The following TSC22D1 variants were observed in gnomAD, a reference collection of about 807,000 sequenced individuals.
TSC22D1 encodes the protein TSC22 domain family member 1.
A neutral mutation model predicts 74.2 loss-of-function variants in TSC22D1; 9 were observed. The ratio of observed to expected loss-of-function variants is 0.12; its 90% CI spans 0.07 to 0.21. TSC22D1 has a LOEUF of 0.21. Among genes scored for constraint, TSC22D1 ranks in the 10% least tolerant of loss-of-function variants. The pLI is 1.00. For synonymous variants in TSC22D1, 586 were observed against 492.5 expected (o/e 1.19, Z -2.51); for missense variants, 1,427 against 1,304.7 (o/e 1.09, Z -1.44).
intron 1 of TSC22D1, among the ~76,000 whole-genome samples, chr13:44,571,715 T>G (rs1883776925): frequency 1.3e-5 from 2 of 152,172 alleles, no homozygotes; most frequent in Admixed American, 1.3e-4. Context: ...ACAATAATAA[T>G]GGAACAATTA....
intron 1 of TSC22D1, among the ~76,000 whole-genome samples, chr13:44,551,921 A>T (rs1882306526): frequency 6.6e-6 from 1 of 152,170 alleles, no homozygotes; most frequent in African/African-American, 2.4e-5. Flanking sequence ...AAGTAAAAAA[A>T]CAAAAAAAAG....
At chr13:44,539,653 G>T in intron 1 of TSC22D1, 1 of 1,150,662 alleles carries the variant, frequency 8.7e-7, no homozygotes, top group Non-Finnish European at 1.1e-6. Flanking sequence ...AAAACAGATT[G>T]CAGTCCCACC....
chr13:44,548,624 A>C (rs1881986589), intron 1 of TSC22D1, among the ~76,000 whole-genome samples: 1 of 152,232 alleles, frequency 6.6e-6, no homozygotes, highest in Non-Finnish European at 1.5e-5. Context: ...GGAGTTTTAC[A>C]AGACAGTAAA....
intron 1 of TSC22D1, among the ~76,000 whole-genome samples, chr13:44,555,016 C>T (rs182341711): frequency 2.0e-5 from 3 of 151,906 alleles, no homozygotes; most frequent in Admixed American, 1.3e-4. Flanking sequence ...TTGTTAGAAG[C>T]TTTTGTTTCT....
chr13:44,466,153 T>C (rs1456462256), intron 1 of TSC22D1, among the ~76,000 whole-genome samples: 1 of 152,076 alleles, frequency 6.6e-6, no homozygotes, highest in Admixed American at 6.6e-5. Context: ...CATCTAGACT[T>C]CTCAAGAAGG....
intron 1 of TSC22D1, among the ~76,000 whole-genome samples, chr13:44,541,108 AGG>A (rs2138097467): frequency 6.6e-6 from 1 of 152,328 alleles, no homozygotes; most frequent in East Asian, 1.9e-4. Context: ...TAGTGGAACG[AGG>A]ATTGTGTTCT....
At chr13:44,490,237 T>C (rs373482155) in intron 1 of TSC22D1, among the ~76,000 whole-genome samples, 2 of 152,118 alleles carry the variant, frequency 1.3e-5, no homozygotes, top group Admixed American at 6.6e-5. Context: ...ATATATAGTA[T>C]ATAATTTCAT....
intron 1 of TSC22D1, among the ~76,000 whole-genome samples, chr13:44,552,942 CG>C (rs1319569122): frequency 5.3e-5 from 8 of 152,212 alleles, no homozygotes; most frequent in Admixed American, 4.6e-4. Context: ...GAGCCGCGAT[CG>C]TGCCACTGCA....
intron 1 of TSC22D1, among the ~76,000 whole-genome samples, chr13:44,545,091 T>C (rs1252580319): frequency 6.6e-6 from 1 of 152,120 alleles, no homozygotes; most frequent in Admixed American, 6.5e-5. Context: ...ATCTCAGCAC[T>C]TGGGAGGCCA....
intron 1 of TSC22D1, among the ~76,000 whole-genome samples, chr13:44,568,623 C>A (rs1883538684): frequency 6.6e-6 from 1 of 152,184 alleles, no homozygotes; most frequent in South Asian, 2.1e-4. Flanking sequence ...AGGCGTGAGC[C>A]ACCATGGCCA....
At position 44,565,547 on chromosome 13, in the gene TSC22D1, T is replaced by C. The variant is rs190540916; in HGVS notation, c.2912+7616A>G. ...TTTTTAAAAATCAGTATAAAGATAC[T>C]TTAAAATTTTTCAACCTTGTGTAGT... On this transcript the variant is annotated intron_variant, in intron 1 of 2. Transcript: ENST00000458659. 2.6e-3 allele frequency among the ~76,000 whole-genome samples: 400 copies of C among 152,256 alleles called. 6 individuals carry two copies. Among genetic ancestry groups the C allele is most frequent in the Admixed American group, 0.025 (378 of 15,292 alleles).
chr13:44,448,610 G>T (rs542017621), intron 1 of TSC22D1, among the ~76,000 whole-genome samples: 1 of 152,246 alleles, frequency 6.6e-6, no homozygotes, highest in Non-Finnish European at 1.5e-5. Flanking sequence ...CCTCTGCTTC[G>T]ATCAAGGGAC....
intron 1 of TSC22D1, among the ~76,000 whole-genome samples, chr13:44,511,606 G>A (rs1879717573): frequency 7.5e-6 from 1 of 133,330 alleles, no homozygotes; most frequent in African/African-American, 2.7e-5. Context: ...ACAGCTTTCT[G>A]AATAAAAAGA....
chr13:44,519,436 A>T (rs910964198), intron 1 of TSC22D1, among the ~76,000 whole-genome samples: 1 of 152,218 alleles, frequency 6.6e-6, no homozygotes, highest in Non-Finnish European at 1.5e-5. Flanking sequence ...ATGTAAAACC[A>T]GGAGTATACA....
In TSC22D1 at chr13:44,574,592, C is replaced by G. The variant is rs1884063059; in HGVS notation, c.1483G>C (p.Val495Leu). ...GSGEMGAPTV[V>L]VQQQQQQQQQ... ...TGTTGCTGCTGCTGCTGCTGCACCA[C>G]CACAGTAGGGGCTCCCATCTCTCCA... The change falls in exon 1 of 3, where the codon GTG becomes CTG. Residue 495 changes from valine (V) to leucine (L), a missense_variant. Val to Leu is a conservative substitution (Grantham distance 32, BLOSUM62 1). Around this residue, in one of 3 missense-constraint regions of TSC22D1, gnomAD observed 1,343 missense variants for 1,191.5 expected, o/e 1.13. Transcript: ENST00000458659. 1.2e-6 allele frequency: 2 copies of G among 1,614,038 alleles called. No individual in the cohort carries two copies. Among genetic ancestry groups the G allele is most frequent in the African/African-American group, 1.3e-5 (1 of 75,010 alleles).
intron 1 of TSC22D1, among the ~76,000 whole-genome samples, chr13:44,487,660 G>A (rs1345929738): frequency 1.3e-5 from 2 of 151,424 alleles, no homozygotes; most frequent in Non-Finnish European, 2.9e-5. Flanking sequence ...CAATACAAGA[G>A]TAGCTTACCA....
At chr13:44,529,499 T>C (rs1224301490) in intron 1 of TSC22D1, among the ~76,000 whole-genome samples, 2 of 152,016 alleles carry the variant, frequency 1.3e-5, no homozygotes, top group African/African-American at 2.4e-5. Flanking sequence ...TTCTTGTTGG[T>C]GAAGAAGGAT....
intron 1 of TSC22D1, among the ~76,000 whole-genome samples, chr13:44,531,482 G>A (rs1473649947): frequency 2.6e-5 from 4 of 152,062 alleles, no homozygotes; most frequent in Non-Finnish European, 4.4e-5. Flanking sequence ...TGTGTAAAAT[G>A]AAAAAATTAT....
At chr13:44,530,423 T>C (rs1348644002) in intron 1 of TSC22D1, among the ~76,000 whole-genome samples, 1 of 151,792 alleles carries the variant, frequency 6.6e-6, no homozygotes, top group East Asian at 1.9e-4. Context: ...TAGATCTAAA[T>C]GTAAATCACA....
Sources: allele counts gnomAD v4.1 joint callset (sites outside exome capture counted in the v4.1 genomes callset), GRCh38; gene constraint gnomAD v4.1.1; regional missense constraint gnomAD v4.1.1; transcripts MANE v1.5; gene names NCBI Gene and HGNC (gene_info 2026-07-23, HGNC 2026-07-21).